Variants in ZC3H12C observed in about 807,000 individuals in gnomAD.
The protein encoded by ZC3H12C is probable ribonuclease ZC3H12C.
ZC3H12C carries 20 observed loss-of-function variants against 76.3 expected under a neutral mutation model. The ratio of observed to expected loss-of-function variants is 0.26; its 90% confidence interval spans 0.18 to 0.38. The LOEUF is 0.38. ZC3H12C is among the 10% of genes least tolerant of loss of function. The pLI is 1.00. For missense variants in ZC3H12C, 874 were observed against 1,086.5 expected (o/e 0.80, Z 2.75); for synonymous variants, 352 against 399.6 (o/e 0.88, Z 1.42).
At chr11:110,127,757 G>A (rs1317553718) in intron 1 of ZC3H12C, among the ~76,000 whole-genome samples, 1 of 151,974 alleles carries the variant, frequency 6.6e-6, no homozygotes, top group Non-Finnish European at 1.5e-5. Context: ...TTAGCTGGGC[G>A]TGGTGGCTGG....
intron 2 of ZC3H12C, among the ~76,000 whole-genome samples, chr11:110,138,071 T>C (rs1013734483): frequency 2.6e-5 from 4 of 152,004 alleles, no homozygotes; most frequent in East Asian, 1.9e-4. Flanking sequence ...CTGAGCAACA[T>C]AGGGAAACAC....
chr11:110,157,461 G>A (rs1862399187), intron 3 of ZC3H12C, among the ~76,000 whole-genome samples: 1 of 141,306 alleles, frequency 7.1e-6, no homozygotes, highest in South Asian at 2.3e-4. Flanking sequence ...TTAAGACAGA[G>A]TCTCGCTCTG....
intron 1 of ZC3H12C, among the ~76,000 whole-genome samples, chr11:110,110,759 G>A (rs2187391): frequency 0.7 from 106,578 of 151,934 alleles, 37,664 homozygotes; most frequent in East Asian, 0.89. Context: ...AGGTCTTTCA[G>A]ACCCCTCTTT....
chr11:110,118,639 A>G (rs904374197), intron 1 of ZC3H12C, among the ~76,000 whole-genome samples: 1 of 152,062 alleles, frequency 6.6e-6, no homozygotes, highest in African/African-American at 2.4e-5. Flanking sequence ...TCTACTGAAA[A>G]TATAAAAATT....
At chr11:110,121,301 C>T (rs554952067) in intron 1 of ZC3H12C, among the ~76,000 whole-genome samples, 97 of 152,288 alleles carry the variant, frequency 6.4e-4, no homozygotes, top group African/African-American at 2.0e-3. Context: ...CTGCTGTGTG[C>T]CGGGCACTCT....
At chr11:110,107,722 C>T (rs187877449) in intron 1 of ZC3H12C, among the ~76,000 whole-genome samples, 40 of 152,098 alleles carry the variant, frequency 2.6e-4, no homozygotes, top group African/African-American at 8.4e-4. Context: ...GACAGAGTTT[C>T]ACCATGTTGG....
chr11:110,170,847 ATTGTTTT>A lies in ZC3H12C; in HGVS notation c.*5113_*5119del, dbSNP rs1402725583. ...GCAACTGTAGGTTTTAACAATGTTT[ATTGTTTT>A]TTAAGTGGTTACTTTGTTTTTCCTT... is the stretch of plus-strand genomic sequence containing the variant. On this transcript the variant is annotated 3_prime_UTR_variant, in exon 6 of 6. Transcript: ENST00000278590. 2.6e-5 allele frequency: 4 copies of A among 152,172 alleles called. No homozygotes were observed. The highest frequency in any genetic ancestry group is 9.7e-5 in the African/African-American group (4 of 41,446). The allele number at this position is 152,172 out of a possible 1,614,324, so 9.4% of individuals were successfully genotyped here.
intron 1 of ZC3H12C, among the ~76,000 whole-genome samples, chr11:110,113,152 G>A (rs1459337474): frequency 6.6e-6 from 1 of 152,186 alleles, no homozygotes; most frequent in Non-Finnish European, 1.5e-5. Context: ...TTAGCTAGGA[G>A]TTTTTAACCT....
At chr11:110,103,477 T>C (rs947555255) in intron 1 of ZC3H12C, among the ~76,000 whole-genome samples, 2 of 152,244 alleles carry the variant, frequency 1.3e-5, no homozygotes, top group Admixed American at 1.3e-4. Context: ...AGGTCCAATA[T>C]TGAGAGCTTT....
chr11:110,131,588 A>G (rs1861867516), intron 1 of ZC3H12C: 1 of 154,526 alleles, frequency 6.5e-6, no homozygotes, highest in African/African-American at 2.4e-5. Flanking sequence ...AGATGCGATG[A>G]TTAAGCATTC....
At chr11:110,151,053 G>A (rs978254522) in intron 2 of ZC3H12C, among the ~76,000 whole-genome samples, 13 of 152,160 alleles carry the variant, frequency 8.5e-5, no homozygotes, top group Admixed American at 6.5e-4. Context: ...ACGACATGCC[G>A]TTTTTCATCT....
intron 1 of ZC3H12C, among the ~76,000 whole-genome samples, chr11:110,118,200 T>G (rs1403145072): frequency 6.6e-6 from 1 of 151,150 alleles, no homozygotes; most frequent in Admixed American, 6.6e-5. Context: ...AAGTCACCCT[T>G]GTTCTTTAAT....
rs761573114 is a variant in ZC3H12C, at chr11:110,164,975, G to A, written c.1890G>A (p.Gly630=). The A allele has an allele frequency of 3.1e-6, 5 of 1,613,910 alleles. No homozygotes were observed. Among genetic ancestry groups the A allele is most frequent in the Non-Finnish European group, 4.2e-6 (5 of 1,179,914 alleles). ...TAGCTTCTGACTGCAGCAGTGAAGG[G>A]AGCATGAGCTGTGGGAGCAGTGACT... is the stretch of plus-strand genomic sequence containing the variant. ...SSVASDCSSE[G]SMSCGSSDSY... The change falls in exon 6 of 6, where the codon GGG becomes GGA. Residue 630 remains glycine (G), a synonymous_variant. Coordinates refer to ENST00000278590, the MANE Select transcript of ZC3H12C (RefSeq NM_033390.2). This position sits in a 1 kb window ranked among gnomAD's most constrained non-coding sequence, Gnocchi z 5.7.
chr11:110,136,543 G>A, intron 1 of ZC3H12C, 120 bp from the exon 2 acceptor site: 1 of 1,107,066 alleles, frequency 9.0e-7, no homozygotes, highest in Admixed American at 2.6e-5. Flanking sequence ...GGAGGGAGGA[G>A]AGGATGTAGA....
At chr11:110,134,261 A>G (rs182331514) in intron 1 of ZC3H12C, among the ~76,000 whole-genome samples, 1 of 152,238 alleles carries the variant, frequency 6.6e-6, no homozygotes, top group Admixed American at 6.5e-5. Flanking sequence ...TCGGAGGGTA[A>G]ACCAGACGCA....
chr11:110,103,944 CTTG>C lies in ZC3H12C; in HGVS notation c.21+10515_21+10517del, dbSNP rs200798687. 3.8e-3 allele frequency among the ~76,000 whole-genome samples: 575 copies of C among 151,096 alleles called. 3 individuals are homozygous for C. Among genetic ancestry groups the C allele is most frequent in the African/African-American group, 0.012 (487 of 41,164 alleles). Reference sequence around the variant, plus strand: ...ATTTATCCTAAGTGGCATAGCAATACTTGTTATGCTTTTTGTTTGCTTTAGATG... The same window carrying C: ...ATTTATCCTAAGTGGCATAGCAATACTTATGCTTTTTGTTTGCTTTAGATG... On this transcript the variant is annotated intron_variant, in intron 1 of 5. Transcript: ENST00000278590.
chr11:110,135,490 C>CA (rs60107794), intron 1 of ZC3H12C, among the ~76,000 whole-genome samples: 87,707 of 95,422 alleles, frequency 0.92, 40,442 homozygotes, highest in Middle Eastern at 0.96. Flanking sequence ...ACTCCCGTCT[C>CA]AAAAAAAAAA....
At chr11:110,103,528 T>C (rs890372876) in intron 1 of ZC3H12C, among the ~76,000 whole-genome samples, 14 of 152,202 alleles carry the variant, frequency 9.2e-5, no homozygotes, top group African/African-American at 3.1e-4. Flanking sequence ...GTATTGGGTA[T>C]GTACTGTTTT....
At chr11:110,142,013 G>A (rs141194843) in intron 2 of ZC3H12C, among the ~76,000 whole-genome samples, 2 of 152,256 alleles carry the variant, frequency 1.3e-5, no homozygotes, top group East Asian at 3.9e-4. Context: ...TTCATTAAAG[G>A]ATAGCTTAAA....
Sources: allele counts gnomAD v4.1 joint callset (sites outside exome capture counted in the v4.1 genomes callset), GRCh38; gene constraint gnomAD v4.1.1; non-coding constraint Gnocchi (gnomAD v3.1); transcripts MANE v1.5; gene names NCBI Gene and HGNC (gene_info 2026-07-23, HGNC 2026-07-21).